PCDHGA1: variants seen among roughly 807,000 people sequenced by gnomAD.
PCDHGA1 encodes the protein protocadherin gamma subfamily A, 1, also known as protocadherin gamma-A1.
A neutral mutation model predicts 58.0 loss-of-function variants in PCDHGA1; 32 were observed. The ratio of observed to expected loss-of-function variants is 0.55; its 90% CI spans 0.42 to 0.74. PCDHGA1 has a LOEUF of 0.74. Ranked by LOEUF, PCDHGA1 falls within the 30% of genes least tolerant of loss-of-function variation. PCDHGA1 has a pLI of 0.00. For missense variants in PCDHGA1, 1,205 were observed against 1,182.3 expected (o/e 1.02, Z -0.28); for synonymous variants, 498 against 501.1 (o/e 0.99, Z 0.08).
At chr5:141,433,848 A>AAC (rs1403081382) in intron 1 of PCDHGA1, among the ~76,000 whole-genome samples, 1 of 151,964 alleles carries the variant, frequency 6.6e-6, no homozygotes, top group South Asian at 2.1e-4. Context: ...AAAAAAAAAA[A>AAC]AAAAAAACTT....
Position 141,491,652 on chromosome 5 carries a change from G to T in PCDHGA1, c.2422-3155G>T. ...AGCAGCCCACAGCTCTGGCGCTGGA[G>T]CCTGACGCCATCCGGTCCCGCTCTA... On this transcript the variant is annotated intron_variant, in intron 1 of 3. Transcript: ENST00000517417. The surrounding 1 kb of genome is among the most constrained non-coding windows in gnomAD (Gnocchi z 6.9). The T allele has an allele frequency of 6.2e-7, 1 of 1,613,844 alleles. No homozygotes were observed.
rs1359390451 is a variant in PCDHGA1, at chr5:141,360,344, C to T, written c.2421+27239C>T. 1 of 1,613,798 alleles carries T rather than the reference C, an allele frequency of 6.2e-7. No homozygotes were observed. The highest frequency in any genetic ancestry group is 1.7e-5 in the Admixed American group (1 of 60,012). The stretch of plus-strand genomic sequence containing the variant: ...CCAGCCCGGAAGCTGCGGGTTAGCG[C>T]GGAGAAGGAATATTTCACAGTAAAC... On this transcript the variant is annotated intron_variant, in intron 1 of 3. Coordinates refer to ENST00000517417, the MANE Select transcript of PCDHGA1 (RefSeq NM_018912.3).
intron 1 of PCDHGA1, among the ~76,000 whole-genome samples, chr5:141,347,780 C>T (rs1758016407): frequency 6.7e-6 from 1 of 149,946 alleles, no homozygotes. Flanking sequence ...GAGAGAGACT[C>T]CATCTCAAAA....
At chr5:141,389,863 T>C in intron 1 of PCDHGA1, 1 of 1,614,064 alleles carries the variant, frequency 6.2e-7, no homozygotes, top group South Asian at 1.1e-5. Flanking sequence ...ACGTTGCACC[T>C]GGTCTTCGCC....
intron 1 of PCDHGA1, chr5:141,419,908 C>T: frequency 1.2e-6 from 2 of 1,613,976 alleles, no homozygotes; most frequent in Non-Finnish European, 1.7e-6. Context: ...CACCCTCTGA[C>T]TCCCAGGCTG....
chr5:141,331,992 T>A lies in PCDHGA1; in HGVS notation c.1308T>A (p.Thr436=). The change falls in exon 1 of 4, where the codon ACT becomes ACA. Residue 436 remains threonine (T), a synonymous_variant. Transcript: ENST00000517417. The part of the protein sequence containing the change: ...DQGTPALSTE[T]HISLLVTDIN... ...GAACTCCAGCTCTATCTACTGAAAC[T>A]CACATTTCACTACTAGTGACAGATA... 1.2e-6 allele frequency: 2 copies of A among 1,614,044 alleles called. No homozygotes were observed. The highest frequency in any genetic ancestry group is 1.7e-6 in the Non-Finnish European group (2 of 1,179,992).
chr5:141,423,755 G>GGGA, intron 1 of PCDHGA1: 3 of 512,508 alleles, frequency 5.9e-6, no homozygotes, highest in Non-Finnish European at 7.8e-6. Flanking sequence ...CTGTTTGGGG[G>GGGA]GGGGGTGGGG....
chr5:141,401,429 G>A lies in PCDHGA1; in HGVS notation c.2421+68324G>A, dbSNP rs1305820458. ...AGAGAAAGAGAGAGACTGATTCACT[G>A]AACTTAGAAGGTCCAAATCATCCAA... On this transcript the variant is annotated intron_variant, in intron 1 of 3. Coordinates refer to ENST00000517417, the MANE Select transcript of PCDHGA1 (RefSeq NM_018912.3). Among the ~76,000 whole-genome samples the A allele has an allele frequency of 2.6e-5, 4 of 152,182 alleles. No homozygotes were observed. In the East Asian group the frequency reaches 7.7e-4, roughly 29 times the overall value.
intron 1 of PCDHGA1, chr5:141,351,615 C>T (rs1400387546): frequency 1.2e-6 from 2 of 1,614,066 alleles, no homozygotes; most frequent in Non-Finnish European, 1.7e-6. Context: ...CATCAGGCCT[C>T]CTATGTGGTC....
chr5:141,362,130 G>A (rs762720403), intron 1 of PCDHGA1: 3 of 1,613,918 alleles, frequency 1.9e-6, no homozygotes, highest in African/African-American at 1.3e-5. Context: ...TAATCTTCGC[G>A]GATAGCCTGC....
intron 1 of PCDHGA1, chr5:141,366,049 G>C (rs542025009): frequency 1.2e-6 from 2 of 1,614,126 alleles, no homozygotes; most frequent in Non-Finnish European, 1.7e-6. Flanking sequence ...ACGGTTCCAC[G>C]GGCGTGGAGC....
At chr5:141,374,158 G>T in intron 1 of PCDHGA1, 1 of 1,612,410 alleles carries the variant, frequency 6.2e-7, no homozygotes, top group Non-Finnish European at 8.5e-7. Flanking sequence ...CGCTGTGGGG[G>T]GCCGCGGCAG....
In PCDHGA1 at chr5:141,340,609, A is replaced by G. The variant is rs764716943; in HGVS notation, c.2421+7504A>G. 4.3e-6 allele frequency: 7 copies of G among 1,614,170 alleles called. No individual in the cohort carries two copies. In the Admixed American group the frequency reaches 5.0e-5, roughly 12 times the overall value. ...GGAACCCTCCACTCAGTAGCAATGT[A>G]TCATTAAGCCTGTTCGTGCTGGACC... On this transcript the variant is annotated intron_variant, in intron 1 of 3. Coordinates refer to ENST00000517417, the MANE Select transcript of PCDHGA1 (RefSeq NM_018912.3).
At chr5:141,450,006 C>CTTTTTT (rs1554136305) in intron 1 of PCDHGA1, among the ~76,000 whole-genome samples, 15 of 132,950 alleles carry the variant, frequency 1.1e-4, no homozygotes, top group African/African-American at 2.0e-4. Context: ...TGCCATGTCT[C>CTTTTTT]TTTTTTTTTT....
chr5:141,464,680 A>T (rs747974832), intron 1 of PCDHGA1, among the ~76,000 whole-genome samples: 1 of 152,144 alleles, frequency 6.6e-6, no homozygotes, highest in African/African-American at 2.4e-5. Context: ...TTTTAATTAA[A>T]ATTTCTCTTA....
At chr5:141,388,574 T>A (rs372294800) in intron 1 of PCDHGA1, 107 of 1,613,842 alleles carry the variant, frequency 6.6e-5, no homozygotes, top group Middle Eastern at 1.6e-4. Context: ...AGATACACGT[T>A]CTAGTGACTG....
In PCDHGA1 at chr5:141,432,296, G is replaced by A. The variant is rs895669878; in HGVS notation, c.2422-62511G>A. The A allele has an allele frequency of 2.5e-6, 4 of 1,614,106 alleles. No homozygotes were observed. The highest frequency in any genetic ancestry group is 1.1e-5 in the South Asian group (1 of 91,082). The stretch of plus-strand genomic sequence containing the variant: ...CGTGTCCATCAACTCCGACACTGGG[G>A]TACTGTATGCGCTGAGCTCCTTCGA... On this transcript the variant is annotated intron_variant, in intron 1 of 3. Transcript: ENST00000517417. The surrounding 1 kb of genome is among the most constrained non-coding windows in gnomAD (Gnocchi z 6.0).
At chr5:141,500,252 A>G (rs2099798400) in intron 2 of PCDHGA1, among the ~76,000 whole-genome samples, 1 of 151,094 alleles carries the variant, frequency 6.6e-6, no homozygotes, top group East Asian at 1.9e-4. Flanking sequence ...TCTGTCACCC[A>G]GGCTGGACTG....
chr5:141,355,518 G>A (rs775064771), intron 1 of PCDHGA1: 5 of 1,613,932 alleles, frequency 3.1e-6, no homozygotes, highest in Non-Finnish European at 4.2e-6. Flanking sequence ...TGACAAACCT[G>A]GAGATTCTTC....
Sources: allele counts gnomAD v4.1 joint callset (sites outside exome capture counted in the v4.1 genomes callset), GRCh38; gene constraint gnomAD v4.1.1; non-coding constraint Gnocchi (gnomAD v3.1); transcripts MANE v1.5; gene names NCBI Gene and HGNC (gene_info 2026-07-23, HGNC 2026-07-21).